Variants in RAB10 observed in about 807,000 individuals in gnomAD.
The protein encoded by RAB10 is ras-related protein Rab-10.
RAB10 carries 5 observed loss-of-function variants against 25.7 expected under a neutral mutation model. The ratio of observed to expected loss-of-function variants is 0.19; its 90% CI spans 0.10 to 0.41. The LOEUF (loss-of-function observed/expected upper bound fraction) is 0.41, where lower values mean the gene tolerates loss of function less well. Ranked by LOEUF, RAB10 falls within the 10% of genes least tolerant of loss-of-function variation. RAB10 has a pLI of 1.00. For synonymous variants in RAB10, 89 were observed against 86.4 expected (o/e 1.03, Z -0.16); for missense variants, 103 against 245.8 (o/e 0.42, Z 3.89).
chr2:26,104,584 C>G (rs967428300), intron 2 of RAB10, among the ~76,000 whole-genome samples: 1 of 151,974 alleles, frequency 6.6e-6, no homozygotes, highest in African/African-American at 2.4e-5. Flanking sequence ...TTTTCACGTC[C>G]CATTTACCTG....
At chr2:26,068,563 G>A (rs1290249312) in intron 1 of RAB10, among the ~76,000 whole-genome samples, 1 of 151,824 alleles carries the variant, frequency 6.6e-6, no homozygotes, top group Non-Finnish European at 1.5e-5. Context: ...TTTTTTTGAG[G>A]TGATCTTTTT....
At chr2:26,111,333 G>A (rs1037093210) in intron 3 of RAB10, among the ~76,000 whole-genome samples, 24 of 152,026 alleles carry the variant, frequency 1.6e-4, no homozygotes, top group African/African-American at 4.1e-4. Context: ...GGCTGGGCGC[G>A]GTGGCTCACG....
In RAB10 at chr2:26,098,487, G is replaced by A. The variant is rs1667275852; in HGVS notation, c.128-175G>A. Reference sequence around the variant, plus strand: ...TATTTTTCCTCCTATCCTGGATCTTGTATTACTCAGGTTTAAAATTGGATA... The same window carrying A: ...TATTTTTCCTCCTATCCTGGATCTTATATTACTCAGGTTTAAAATTGGATA... On this transcript the variant is annotated intron_variant, in intron 1 of 5. Coordinates refer to ENST00000264710, the MANE Select transcript of RAB10 (RefSeq NM_016131.5). The A allele has an allele frequency of 5.3e-6, 3 of 565,548 alleles. No homozygotes were observed. The South Asian group carries it at 6.2e-5, about 12-fold the overall frequency. The allele number at this position is 565,548 out of a possible 1,614,324, so 35.0% of individuals were successfully genotyped here.
chr2:26,127,061 A>T, intron 3 of RAB10, 83 bp from the exon 4 acceptor site: 1 of 1,045,244 alleles, frequency 9.6e-7, no homozygotes, highest in Non-Finnish European at 1.4e-6. Flanking sequence ...GACCCTCTAA[A>T]TTGAGAGAAT....
At chr2:26,070,280 T>C (rs1345561744) in intron 1 of RAB10, among the ~76,000 whole-genome samples, 3 of 152,130 alleles carry the variant, frequency 2.0e-5, no homozygotes, top group Non-Finnish European at 2.9e-5. Flanking sequence ...GCTTGAGAGC[T>C]CAAAAGGAAA....
chr2:26,068,880 A>G (rs1408446405), intron 1 of RAB10, among the ~76,000 whole-genome samples: 1 of 152,156 alleles, frequency 6.6e-6, no homozygotes, highest in Non-Finnish European at 1.5e-5. Context: ...CTGTTTCAAA[A>G]ATGTTTCACT....
At chr2:26,068,327 C>A (rs189966866) in intron 1 of RAB10, among the ~76,000 whole-genome samples, 1 of 152,022 alleles carries the variant, frequency 6.6e-6, no homozygotes, top group South Asian at 2.1e-4. Context: ...GCTAAGGATT[C>A]GAATTCCATG....
chr2:26,135,084 A>T lies in RAB10; in HGVS notation c.*63A>T, dbSNP rs968317891. ...GTTTTCTCTTCTTGCTGCAAAATAA[A>T]CCACTCTGTCCATTTTTAACTCTAA... On this transcript the variant is annotated 3_prime_UTR_variant, in exon 6 of 6. Coordinates refer to ENST00000264710, the MANE Select transcript of RAB10 (RefSeq NM_016131.5). The T allele has an allele frequency of 1.0e-5, 14 of 1,337,408 alleles. No homozygotes were observed. The African/African-American group carries it at 1.9e-4, about 18-fold the overall frequency. 82.8% of individuals were successfully genotyped at this position (1,337,408 alleles called of 1,614,324 possible).
At chr2:26,098,559 A>AC in intron 1 of RAB10, 103 bp from the exon 2 acceptor site, 1 of 830,460 alleles carries the variant, frequency 1.2e-6, no homozygotes, top group South Asian at 1.6e-5. Flanking sequence ...AATCAAACAA[A>AC]CACAGACAAG....
chr2:26,129,141 G>C (rs1034250886), intron 5 of RAB10, among the ~76,000 whole-genome samples: 1 of 151,836 alleles, frequency 6.6e-6, no homozygotes, highest in Non-Finnish European at 1.5e-5. Context: ...GTGGTGGCAC[G>C]TGCCTGTAAT....
chr2:26,111,221 G>A (rs1043383400), intron 3 of RAB10, among the ~76,000 whole-genome samples: 11 of 152,076 alleles, frequency 7.2e-5, no homozygotes, highest in African/African-American at 2.7e-4. Context: ...TACCCCTAAT[G>A]GTAGCAATCC....
Position 26,135,126 on chromosome 2 carries a change from C to A in RAB10, c.*105C>A, listed in dbSNP as rs1668082703. 1.3e-6 allele frequency: 1 copy of A among 789,700 alleles called. No homozygotes were observed. The highest frequency in any genetic ancestry group is 1.8e-5 in the African/African-American group (1 of 56,040). The allele number at this position is 789,700 out of a possible 1,614,324, so 48.9% of individuals were successfully genotyped here. On this transcript the variant is annotated 3_prime_UTR_variant, in exon 6 of 6. Transcript: ENST00000264710. ...TAACTCTAAACAGATATTTTTGTTT[C>A]TCATCTTAACTATCCAAGCCACCTA...
At chr2:26,041,875 A>G (rs866691409) in intron 1 of RAB10, among the ~76,000 whole-genome samples, 36 of 152,050 alleles carry the variant, frequency 2.4e-4, no homozygotes, top group African/African-American at 8.5e-4. Context: ...TTGTAATCCA[A>G]CCTGGGCAAC....
chr2:26,049,556 G>T (rs1559578376), intron 1 of RAB10, among the ~76,000 whole-genome samples: 1 of 151,752 alleles, frequency 6.6e-6, no homozygotes, highest in Non-Finnish European at 1.5e-5. Context: ...TTACAGGCAC[G>T]CACCACCACG....
Position 26,042,018 on chromosome 2 carries a change from G to GGTA in RAB10, c.127+7287_127+7289dup, listed in dbSNP as rs766174970. Among the ~76,000 whole-genome samples, 328 of 152,324 alleles carry GGTA rather than the reference G, an allele frequency of 2.2e-3. 1 individual carries two copies. Among genetic ancestry groups the GGTA allele is most frequent in the Non-Finnish European group, 3.0e-3 (201 of 68,020 alleles). ...TGGTTGATTTGACCATAACCATCTT[G>GGTA]GTAGTATGAGCTCAGGAATGCGTTA... is the stretch of plus-strand genomic sequence containing the variant. On this transcript the variant is annotated intron_variant, in intron 1 of 5. Coordinates refer to ENST00000264710, the MANE Select transcript of RAB10 (RefSeq NM_016131.5).
At chr2:26,114,912 A>G (rs1288547671) in intron 3 of RAB10, among the ~76,000 whole-genome samples, 1 of 151,078 alleles carries the variant, frequency 6.6e-6, no homozygotes, top group East Asian at 1.9e-4. Flanking sequence ...AAAAAAAGAA[A>G]AAAAACCAAA....
intron 3 of RAB10, among the ~76,000 whole-genome samples, chr2:26,120,108 C>G (rs1667770740): frequency 6.6e-6 from 1 of 152,136 alleles, no homozygotes; most frequent in Non-Finnish European, 1.5e-5. Flanking sequence ...CCTGCTTGCA[C>G]CTAACTTACA....
chr2:26,127,285 C>T (rs1410909598), intron 4 of RAB10, 52 bp downstream of exon 4: 1 of 1,304,728 alleles, frequency 7.7e-7, no homozygotes, highest in Non-Finnish European at 1.1e-6. Flanking sequence ...AAAGGTAATG[C>T]TACTTTTGAT....
At chr2:26,079,659 C>T (rs982391416) in intron 1 of RAB10, among the ~76,000 whole-genome samples, 2 of 152,120 alleles carry the variant, frequency 1.3e-5, no homozygotes, top group Non-Finnish European at 2.9e-5. Context: ...TTCTCCCTCC[C>T]TTTTCTCTTC....
Sources: gnomAD v4.1 joint callset for allele counts (sites outside exome capture counted in the v4.1 genomes callset) on GRCh38, gnomAD v4.1.1 for gene constraint, MANE v1.5 for transcripts, NCBI Gene and HGNC (gene_info 2026-07-23, HGNC 2026-07-21) for gene names.